Variants in ANAPC10 observed in about 807,000 individuals in gnomAD.
ANAPC10 encodes the protein anaphase promoting complex subunit 10, also known as anaphase-promoting complex subunit 10.
In ANAPC10, 12 loss-of-function variants were observed where a neutral mutation model predicts 22.0. That is an observed-to-expected ratio of 0.55 (90% CI 0.35 to 0.88). The LOEUF is 0.88. ANAPC10 is among the 40% of genes least tolerant of loss of function. ANAPC10 has a pLI of 0.01. For synonymous variants in ANAPC10, 65 were observed against 69.5 expected (o/e 0.94, Z 0.32); for missense variants, 188 against 220.9 (o/e 0.85, Z 0.94).
At chr4:145,091,985 T>C (rs1747748443) in intron 2 of ANAPC10, among the ~76,000 whole-genome samples, 1 of 152,138 alleles carries the variant, frequency 6.6e-6, no homozygotes. Context: ...AGACTGCTGC[T>C]GCACTAGGAA....
intron 4 of ANAPC10, among the ~76,000 whole-genome samples, chr4:145,016,721 T>C (rs758357933): frequency 1.3e-5 from 2 of 152,154 alleles, no homozygotes; most frequent in African/African-American, 2.4e-5. Flanking sequence ...CTTCAAACTA[T>C]ACTACAAGGC....
At chr4:145,049,555 C>G (rs1740803300) in intron 4 of ANAPC10, among the ~76,000 whole-genome samples, 1 of 152,106 alleles carries the variant, frequency 6.6e-6, no homozygotes, top group African/African-American at 2.4e-5. Flanking sequence ...GAGATTGCTG[C>G]AATTTGGTCG....
At chr4:145,064,882 C>T (rs572575836) in intron 3 of ANAPC10, among the ~76,000 whole-genome samples, 190 bp from the exon 4 acceptor site, 1 of 151,322 alleles carries the variant, frequency 6.6e-6, no homozygotes, top group Non-Finnish European at 1.5e-5. Flanking sequence ...AAATATAGGC[C>T]CAGATAATAT....
intron 4 of ANAPC10, among the ~76,000 whole-genome samples, chr4:145,011,391 T>TAAAATAAAATAAAATAAAATAAAATAAAA (rs1560819925): frequency 5.3e-5 from 8 of 151,236 alleles, no homozygotes; most frequent in Non-Finnish European, 1.0e-4. Flanking sequence ...TAAAATAAAA[T>TAAAATAAAATAAAATAAAATAAAATAAAA]TCAAGAGGAT....
At chr4:145,064,545 A>G in intron 4 of ANAPC10, 27 bp downstream of exon 4, 4 of 1,577,650 alleles carry the variant, frequency 2.5e-6, no homozygotes, top group East Asian at 2.2e-5. Flanking sequence ...AAAGGATGAC[A>G]TATTTTTAAA....
At chr4:145,083,000 A>G (rs1400227560) in intron 2 of ANAPC10, among the ~76,000 whole-genome samples, 1 of 152,164 alleles carries the variant, frequency 6.6e-6, no homozygotes, top group Non-Finnish European at 1.5e-5. Flanking sequence ...ATGCATATAC[A>G]AGCAGTCATA....
intron 4 of ANAPC10, among the ~76,000 whole-genome samples, chr4:145,040,214 G>A (rs995215270): frequency 1.3e-5 from 2 of 151,316 alleles, no homozygotes; most frequent in South Asian, 2.1e-4. Flanking sequence ...ACAATGGCAC[G>A]ATCTGGGCTC....
At chr4:145,040,158 TGTGTG>T (rs1739301017) in intron 4 of ANAPC10, among the ~76,000 whole-genome samples, 1 of 151,690 alleles carries the variant, frequency 6.6e-6, no homozygotes, top group Non-Finnish European at 1.5e-5. Context: ...TGTGTGTGTG[TGTGTG>T]TTTTGAGACG....
chr4:145,039,739 C>T (rs892729621), intron 4 of ANAPC10, among the ~76,000 whole-genome samples: 3 of 152,048 alleles, frequency 2.0e-5, no homozygotes, highest in Non-Finnish European at 2.9e-5. Flanking sequence ...GGACTACAGG[C>T]ACGCACCACC....
intron 2 of ANAPC10, among the ~76,000 whole-genome samples, chr4:145,094,526 T>G (rs918198149): frequency 6.6e-6 from 1 of 152,120 alleles, no homozygotes; most frequent in Non-Finnish European, 1.5e-5. Flanking sequence ...GAAGGGAATC[T>G]TGAGGGGAAA....
At chr4:145,047,302 A>C (rs1214018196) in intron 4 of ANAPC10, among the ~76,000 whole-genome samples, 2 of 152,088 alleles carry the variant, frequency 1.3e-5, no homozygotes, top group Admixed American at 6.6e-5. Context: ...TCTGAAAACA[A>C]TATTTAAAAC....
At chr4:145,079,427 G>T (rs1485885141) in intron 3 of ANAPC10, among the ~76,000 whole-genome samples, 2 of 152,250 alleles carry the variant, frequency 1.3e-5, no homozygotes, top group African/African-American at 4.8e-5. Flanking sequence ...TACACTGCTG[G>T]TGGTAATGTA....
intron 4 of ANAPC10, among the ~76,000 whole-genome samples, chr4:145,024,335 G>C (rs1736361644): frequency 6.6e-6 from 1 of 152,122 alleles, no homozygotes; most frequent in Non-Finnish European, 1.5e-5. Context: ...AATGACATCT[G>C]GGATGAATCT....
chr4:145,011,336 A>AAAAATAAAAT (rs70956822), intron 4 of ANAPC10, among the ~76,000 whole-genome samples: 8,761 of 130,050 alleles, frequency 0.067, 550 homozygotes, highest in East Asian at 0.27. Flanking sequence ...GACTGTCTTA[A>AAAAATAAAAT]AAAATAAAAT....
At chr4:145,029,840 C>T (rs998601647) in intron 4 of ANAPC10, among the ~76,000 whole-genome samples, 6 of 151,996 alleles carry the variant, frequency 3.9e-5, no homozygotes, top group Non-Finnish European at 5.9e-5. Flanking sequence ...GAAGATATAC[C>T]CTTGACCAAT....
chr4:145,073,660 G>A (rs977242946), intron 3 of ANAPC10, among the ~76,000 whole-genome samples: 11 of 151,874 alleles, frequency 7.2e-5, no homozygotes, highest in Admixed American at 5.2e-4. Flanking sequence ...GTAAATACAG[G>A]TTTTTTAAAA....
intron 3 of ANAPC10, among the ~76,000 whole-genome samples, chr4:145,073,758 A>C (rs1021400058): frequency 6.6e-6 from 1 of 152,088 alleles, no homozygotes; most frequent in Non-Finnish European, 1.5e-5. Flanking sequence ...TTTTCTCAGC[A>C]TTCTTGTGTC....
chr4:145,026,677 A>T (rs542182693), intron 4 of ANAPC10, among the ~76,000 whole-genome samples: 1 of 151,766 alleles, frequency 6.6e-6, no homozygotes, highest in Non-Finnish European at 1.5e-5. Context: ...TGTAAGAAAC[A>T]AGACAAAATA....
At chr4:145,022,586 C>T (rs955513499) in intron 4 of ANAPC10, among the ~76,000 whole-genome samples, 5 of 151,722 alleles carry the variant, frequency 3.3e-5, no homozygotes, top group African/African-American at 1.2e-4. Flanking sequence ...GATGGGTGCA[C>T]CCAAATCACC....
Sources: gnomAD v4.1 joint callset for allele counts (sites outside exome capture counted in the v4.1 genomes callset) on GRCh38, gnomAD v4.1.1 for gene constraint, MANE v1.5 for transcripts, NCBI Gene and HGNC (gene_info 2026-07-23, HGNC 2026-07-21) for gene names.